The following TCEANC variants were observed in gnomAD, a reference collection of about 807,000 sequenced individuals.
TCEANC encodes transcription elongation factor A N-terminal and central domain containing, also known as transcription elongation factor A N-terminal and central domain-containing protein.
Under a neutral mutation model 8.7 loss-of-function variants are expected in TCEANC, and 8 were observed. The ratio of observed to expected loss-of-function variants is 0.92; its 90% CI spans 0.54 to 1.65. The LOEUF is 1.65. Ranked by LOEUF, TCEANC falls within the 40% of genes most tolerant of loss-of-function variation. TCEANC has a pLI of 0.00. For synonymous variants in TCEANC, 78 were observed against 92.9 expected, an observed-to-expected ratio of 0.84 and a Z score of 0.92; for missense variants, 255 against 251.9, an observed-to-expected ratio of 1.01 and a Z score of -0.08.
chrX:13,663,872 G>A (rs777294782), exon 2 of TCEANC: 5 of 207,436 alleles, frequency 2.4e-5, no homozygotes, highest in South Asian at 2.9e-4. Flanking sequence ...CATTGAATCC[G>A]AATCTGCATT....
exon 2 of TCEANC, chrX:13,662,927 G>T: frequency 8.3e-7 from 1 of 1,211,626 alleles, no homozygotes. Context: ...CCTGAAAATA[G>T]AGCCATTCAA....
exon 2 of TCEANC, chrX:13,664,956 C>G (rs1392992057): frequency 1.6e-5 from 2 of 123,796 alleles, no homozygotes; most frequent in African/African-American, 6.5e-5. Flanking sequence ...TCTCCTAACT[C>G]TCTTCCTTTG....
At chrX:13,663,622 C>A (rs1255627486) in exon 2 of TCEANC, 1 of 992,662 alleles carries the variant, frequency 1.0e-6, no homozygotes, top group Admixed American at 4.1e-5. Context: ...TTTGTACAAC[C>A]CTTTTGTGCT....
exon 2 of TCEANC, chrX:13,662,749 C>A: frequency 1.7e-6 from 2 of 1,211,436 alleles, no homozygotes; most frequent in African/African-American, 1.7e-5. Flanking sequence ...TGTTTATAAG[C>A]AGACTCACTC....
At chrX:13,658,754 T>G (rs2146726159) in intron 1 of TCEANC, among the ~76,000 whole-genome samples, 1 of 111,496 alleles carries the variant, frequency 9.0e-6, no homozygotes, top group South Asian at 3.8e-4. Flanking sequence ...CCCCTCAAAC[T>G]TTATCCCCAA....
chrX:13,653,967 G>A (rs1377932794), upstream of TCEANC, among the ~76,000 whole-genome samples: 4 of 111,877 alleles, frequency 3.6e-5, no homozygotes, highest in Non-Finnish European at 7.5e-5. Flanking sequence ...ATCCATATTA[G>A]CATCAGTTCT....
chrX:13,664,012 C>G (rs2045994612), exon 2 of TCEANC: 1 of 126,861 alleles, frequency 7.9e-6, no homozygotes, highest in African/African-American at 3.2e-5. Flanking sequence ...CCCACTGGTG[C>G]TGAGACCCCA....
chrX:13,664,313 T>C (rs754338343), exon 2 of TCEANC: 31 of 123,150 alleles, frequency 2.5e-4, no homozygotes, highest in African/African-American at 1.0e-3. Flanking sequence ...ACTGGCTCAA[T>C]ATCGACTTCT....
At chrX:13,653,170 ACTGCGCCTGCGCTT>A (rs1247171271), upstream of TCEANC, 8 of 113,071 alleles carry the variant, frequency 7.1e-5, no homozygotes, top group Admixed American at 7.4e-4. Flanking sequence ...AGGCTCCGGA[ACTGCGCCTGCGCTT>A]TTCGGTGAGT....
rs35790347 is a variant in TCEANC, at chrX:13,655,363, A to G, written c.-19A>G. On this transcript the variant is annotated 5_prime_UTR_variant, in exon 1 of 2. Coordinates refer to ENST00000380600, the Ensembl canonical transcript of TCEANC. ...GCTCAATAAATATATGTTGCCTTCC[A>G]CTGTGAAGAGGTAAGTGAGAGGGTG... 3.2e-3 allele frequency: 364 copies of G among 112,391 alleles called. 1 individual carries two copies. Among genetic ancestry groups the G allele is most frequent in the Non-Finnish European group, 5.4e-3 (285 of 53,258 alleles). 9.3% of individuals were successfully genotyped at this position (112,391 alleles called of 1,213,427 possible). A position where few individuals can be genotyped will look rare whatever the true frequency, so the allele number is the denominator to read the frequency against.
upstream of TCEANC, among the ~76,000 whole-genome samples, chrX:13,654,919 G>A (rs2045913255): frequency 9.0e-6 from 1 of 110,738 alleles, no homozygotes; most frequent in Non-Finnish European, 1.9e-5. Flanking sequence ...AACTAGAATC[G>A]AGATGGGCTT....
intron 1 of TCEANC, among the ~76,000 whole-genome samples, chrX:13,657,013 T>G (rs2045928389): frequency 8.9e-6 from 1 of 111,982 alleles, no homozygotes; most frequent in Admixed American, 9.4e-5. Flanking sequence ...AAAAGAGTGC[T>G]GGACATAAGC....
At chrX:13,663,037 T>A in exon 2 of TCEANC, 1 of 1,211,051 alleles carries the variant, frequency 8.3e-7, no homozygotes, top group Non-Finnish European at 1.1e-6. Flanking sequence ...GAGAACTAAA[T>A]GCATAGAGCT....
intron 1 of TCEANC, among the ~76,000 whole-genome samples, chrX:13,662,127 G>A (rs1446482412): frequency 4.5e-5 from 5 of 111,761 alleles, no homozygotes; most frequent in East Asian, 2.8e-4. Flanking sequence ...TGCTGACACC[G>A]GCATGATTTC....
chrX:13,654,930 G>C (rs1161909662), upstream of TCEANC, among the ~76,000 whole-genome samples: 1 of 110,716 alleles, frequency 9.0e-6, no homozygotes, highest in African/African-American at 3.3e-5. Context: ...AGATGGGCTT[G>C]GTCTCCTACG....
chrX:13,664,219 G>A (rs1162009155), exon 2 of TCEANC: 1 of 123,518 alleles, frequency 8.1e-6, no homozygotes, highest in Non-Finnish European at 1.9e-5. Flanking sequence ...GTCCACAGAG[G>A]TGTGGTGACA....
At chrX:13,664,559 CCT>C (rs768168943) in exon 2 of TCEANC, 10 of 121,940 alleles carry the variant, frequency 8.2e-5, no homozygotes, top group Non-Finnish European at 1.3e-4. Flanking sequence ...GTTTTTTCCC[CCT>C]GTGAACAGGT....
At position 13,662,373 on chromosome X, in the gene TCEANC, A is replaced by G. The variant is rs767603711; in HGVS notation, c.-8-128A>G. On this transcript the variant is annotated intron_variant, in intron 1 of 1. Transcript: ENST00000380600. ...TTCCATTTTCTAGCGTGTCGCATACATTTGTATTACATGACTCTTTCGGAA... is the reference window on the plus strand; with the variant it reads ...TTCCATTTTCTAGCGTGTCGCATACGTTTGTATTACATGACTCTTTCGGAA... The G allele has an allele frequency of 2.3e-4, 132 of 573,612 alleles. 1 individual carries two copies. Among genetic ancestry groups the G allele is most frequent in the Non-Finnish European group, 4.5e-5 (16 of 356,740 alleles). The allele number at this position is 573,612 out of a possible 1,213,427, so 47.3% of individuals were successfully genotyped here.
At chrX:13,653,878 A>C (rs1004651328), upstream of TCEANC, among the ~76,000 whole-genome samples, 1 of 111,535 alleles carries the variant, frequency 9.0e-6, no homozygotes, top group Admixed American at 9.5e-5. Context: ...TTTTATATGG[A>C]TCCAATACCA....
Sources: gnomAD v4.1 joint callset for allele counts (sites outside exome capture counted in the v4.1 genomes callset) on GRCh38, gnomAD v4.1.1 for gene constraint, MANE v1.5 for transcripts, NCBI Gene and HGNC (gene_info 2026-07-23, HGNC 2026-07-21) for gene names.